PEX5L: variants seen among roughly 807,000 people sequenced by gnomAD.
The protein encoded by PEX5L is PEX5-related protein.
A neutral mutation model predicts 84.0 loss-of-function variants in PEX5L; 30 were observed. The observed-to-expected ratio is 0.36, with a 90% CI of 0.27 to 0.48. The LOEUF is 0.48. Ranked by LOEUF, PEX5L falls within the 20% of genes least tolerant of loss-of-function variation. The pLI is 0.99. For synonymous variants in PEX5L, 270 were observed against 283.1 expected (o/e 0.95, Z 0.46); for missense variants, 533 against 754.6 (o/e 0.71, Z 3.44).
At chr3:180,034,582 A>G (rs1026338806) in intron 1 of PEX5L, among the ~76,000 whole-genome samples, 4 of 152,160 alleles carry the variant, frequency 2.6e-5, no homozygotes, top group African/African-American at 7.2e-5. Flanking sequence ...GGGGGAGCAG[A>G]TGCCCATTCA....
intron 1 of PEX5L, among the ~76,000 whole-genome samples, chr3:179,978,397 A>C (rs1382875345): frequency 6.6e-6 from 1 of 152,224 alleles, no homozygotes; most frequent in Non-Finnish European, 1.5e-5. Context: ...ATTCAACTTT[A>C]GGTATGTACC....
chr3:179,946,017 G>GT lies in PEX5L; in HGVS notation c.93+25576dup, dbSNP rs10605374. ...GATGTGTTGATCTGCAGTACTGAAA[G>GT]TTTTTTTTTTTTTTGCATCTGAATG... On this transcript the variant is annotated intron_variant, in intron 2 of 14. Transcript: ENST00000467460. 4.9e-3 allele frequency among the ~76,000 whole-genome samples: 709 copies of GT among 143,720 alleles called. 1 individual carries two copies. The highest frequency in any genetic ancestry group is 0.012 in the East Asian group (56 of 4,838). 94.3% of individuals were successfully genotyped at this position (143,720 alleles called of 152,430 possible).
intron 1 of PEX5L, among the ~76,000 whole-genome samples, chr3:179,975,104 G>A (rs969421961): frequency 5.3e-5 from 8 of 152,214 alleles, no homozygotes; most frequent in South Asian, 4.1e-4. Flanking sequence ...TGGGAGGATC[G>A]CTTGAGTGCA....
intron 1 of PEX5L, among the ~76,000 whole-genome samples, chr3:180,035,208 T>C (rs1038039185): frequency 6.6e-6 from 1 of 152,190 alleles, no homozygotes; most frequent in African/African-American, 2.4e-5. Flanking sequence ...GTATCATTCT[T>C]GGGTGAAGAT....
intron 1 of PEX5L, among the ~76,000 whole-genome samples, chr3:180,034,726 G>C (rs1579435900): frequency 2.0e-5 from 3 of 152,208 alleles, no homozygotes; most frequent in Admixed American, 2.0e-4. Context: ...ATTGATTACA[G>C]TCTTTATTTA....
intron 2 of PEX5L, among the ~76,000 whole-genome samples, chr3:179,915,834 T>C (rs911013719): frequency 1.3e-5 from 2 of 152,174 alleles, no homozygotes; most frequent in South Asian, 2.1e-4. Context: ...GCAAACTTAT[T>C]TGAAGAGTGT....
chr3:180,012,948 C>T (rs190098594), intron 1 of PEX5L, among the ~76,000 whole-genome samples: 5 of 152,136 alleles, frequency 3.3e-5, no homozygotes, highest in Admixed American at 1.3e-4. Context: ...GAATAAAATT[C>T]TATTCACGAT....
At chr3:179,961,699 A>G (rs916736320) in intron 2 of PEX5L, among the ~76,000 whole-genome samples, 1 of 152,246 alleles carries the variant, frequency 6.6e-6, no homozygotes, top group Admixed American at 6.5e-5. Flanking sequence ...AAGTGATAAA[A>G]TTGAATTTAT....
intron 1 of PEX5L, among the ~76,000 whole-genome samples, chr3:179,990,797 TTTTG>T (rs1326109783): frequency 6.6e-6 from 1 of 152,220 alleles, no homozygotes; most frequent in East Asian, 1.9e-4. Context: ...ACTTACATTA[TTTTG>T]TTTAATTTTC....
At chr3:180,024,373 T>TATATATACAC (rs1396023654) in intron 1 of PEX5L, among the ~76,000 whole-genome samples, 1 of 79,026 alleles carries the variant, frequency 1.3e-5, no homozygotes, top group African/African-American at 9.6e-5. Context: ...TATATATATA[T>TATATATACAC]ACACACACAA....
At chr3:179,812,757 A>T (rs1724387824) in intron 10 of PEX5L, among the ~76,000 whole-genome samples, 2 of 151,878 alleles carry the variant, frequency 1.3e-5, no homozygotes. Flanking sequence ...ACCTCTCATT[A>T]CACACATTGT....
intron 2 of PEX5L, among the ~76,000 whole-genome samples, chr3:179,963,120 G>C (rs1782478124): frequency 6.6e-6 from 1 of 152,212 alleles, no homozygotes; most frequent in African/African-American, 2.4e-5. Context: ...GGTGATTACA[G>C]TTTTTAACTG....
intron 2 of PEX5L, among the ~76,000 whole-genome samples, chr3:179,903,439 A>G (rs1309148664): frequency 1.3e-5 from 2 of 152,152 alleles, no homozygotes; most frequent in Non-Finnish European, 1.5e-5. Context: ...TATGCTGCCC[A>G]GGCTGGCCTC....
chr3:180,024,383 A>ACAC lies in PEX5L; in HGVS notation c.21+12195_21+12196insGTG, dbSNP rs1252297183. Among the ~76,000 whole-genome samples, 56 of 109,946 alleles carry ACAC rather than the reference A, an allele frequency of 5.1e-4. 1 individual carries two copies. The highest frequency in any genetic ancestry group is 1.4e-3 in the African/African-American group (32 of 22,976). 72.1% of individuals were successfully genotyped at this position (109,946 alleles called of 152,430 possible). A position where few individuals can be genotyped will look rare whatever the true frequency, so the allele number is the denominator to read the frequency against. ...ATATATATATATATATACACACACA[A>ACAC]AAAAAAAAAAAATTAGCCGTGCGTG... is the stretch of plus-strand genomic sequence containing the variant. On this transcript the variant is annotated intron_variant, in intron 1 of 14. Coordinates refer to ENST00000467460, the MANE Select transcript of PEX5L (RefSeq NM_016559.3).
intron 7 of PEX5L, among the ~76,000 whole-genome samples, chr3:179,873,806 ATACT>A (rs1751192365): frequency 6.6e-6 from 1 of 152,202 alleles, no homozygotes; most frequent in Admixed American, 6.5e-5. Context: ...GAAGTCCCTG[ATACT>A]TAGTAGCACT....
chr3:179,950,467 C>T (rs557412223), intron 2 of PEX5L, among the ~76,000 whole-genome samples: 2 of 152,132 alleles, frequency 1.3e-5, no homozygotes, highest in African/African-American at 4.8e-5. Context: ...ACATATGTAA[C>T]AAACCTGCAC....
chr3:180,033,063 C>T (rs1239799307), intron 1 of PEX5L, among the ~76,000 whole-genome samples: 1 of 152,100 alleles, frequency 6.6e-6, no homozygotes. Context: ...AATAAATCAC[C>T]AGGGGCGAGA....
At chr3:179,860,923 C>T (rs1745874659) in intron 7 of PEX5L, among the ~76,000 whole-genome samples, 2 of 152,134 alleles carry the variant, frequency 1.3e-5, no homozygotes, top group African/African-American at 4.8e-5. Context: ...CTGTGCTCAC[C>T]CAGTCATACC....
intron 2 of PEX5L, among the ~76,000 whole-genome samples, chr3:179,923,492 G>GA (rs1039073055): frequency 6.6e-6 from 1 of 152,160 alleles, no homozygotes; most frequent in African/African-American, 2.4e-5. Context: ...GAACTTGTTA[G>GA]AAATGCAAAT....
Sources: gnomAD v4.1 joint callset for allele counts (sites outside exome capture counted in the v4.1 genomes callset) on GRCh38, gnomAD v4.1.1 for gene constraint, MANE v1.5 for transcripts, NCBI Gene and HGNC (gene_info 2026-07-23, HGNC 2026-07-21) for gene names.